RIN2: variants seen among roughly 807,000 people sequenced by gnomAD.
RIN2 encodes the protein RAB5 interacting protein 2.
A neutral mutation model predicts 78.0 loss-of-function variants in RIN2; 36 were observed. That is an observed-to-expected ratio of 0.46 (90% CI 0.35 to 0.61). The LOEUF (loss-of-function observed/expected upper bound fraction) is 0.61, where lower values mean the gene tolerates loss of function less well. RIN2 is among the 20% of genes least tolerant of loss of function. The probability of loss-of-function intolerance (pLI) is 0.00; values close to 1 mark genes in which losing one functional copy is unlikely to be tolerated. For missense variants in RIN2, 1,087 were observed against 1,159.7 expected (o/e 0.94, Z 0.91); for synonymous variants, 466 against 466.8 (o/e 1.00, Z 0.02).
At chr20:19,818,264 A>G (rs2035825595) in intron 2 of RIN2, among the ~76,000 whole-genome samples, 1 of 152,240 alleles carries the variant, frequency 6.6e-6, no homozygotes, top group Non-Finnish European at 1.5e-5. Flanking sequence ...ACCATTGTAT[A>G]TACAGTCCAT....
chr20:19,915,501 T>A (rs1952831125), intron 3 of RIN2, among the ~76,000 whole-genome samples: 1 of 152,120 alleles, frequency 6.6e-6, no homozygotes, highest in Admixed American at 6.5e-5. Context: ...AAGAAAACGG[T>A]GACTTCCAAG....
intron 3 of RIN2, among the ~76,000 whole-genome samples, chr20:19,904,226 C>T (rs968590681): frequency 6.5e-5 from 5 of 77,172 alleles, no homozygotes; most frequent in Non-Finnish European, 8.5e-5. Context: ...AATGAGACTT[C>T]GTCTCAAAAA....
At chr20:19,796,086 G>GA (rs144883717) in intron 1 of RIN2, among the ~76,000 whole-genome samples, 10,250 of 123,230 alleles carry the variant, frequency 0.083, 571 homozygotes, top group African/African-American at 0.29. Context: ...AAAGAGCAAA[G>GA]AAAAAAAAGA....
chr20:19,978,149 A>G (rs942876419), intron 9 of RIN2, among the ~76,000 whole-genome samples: 1 of 152,028 alleles, frequency 6.6e-6, no homozygotes, highest in African/African-American at 2.4e-5. Flanking sequence ...AAACTGGTCT[A>G]TGTCTGCTTT....
At chr20:19,940,606 G>T (rs1451392420) in intron 4 of RIN2, among the ~76,000 whole-genome samples, 1 of 152,178 alleles carries the variant, frequency 6.6e-6, no homozygotes, top group Non-Finnish European at 1.5e-5. Flanking sequence ...AGGGCTTCTT[G>T]CTCCTGGTTT....
chr20:19,826,859 T>C (rs2036103464), intron 2 of RIN2, among the ~76,000 whole-genome samples: 1 of 152,140 alleles, frequency 6.6e-6, no homozygotes, highest in South Asian at 2.1e-4. Context: ...TAAAAAGGTG[T>C]CATTATTTGT....
At chr20:19,805,404 A>T (rs184470382) in intron 2 of RIN2, among the ~76,000 whole-genome samples, 2 of 151,968 alleles carry the variant, frequency 1.3e-5, no homozygotes, top group African/African-American at 4.8e-5. Context: ...AGTTATAGGG[A>T]CCTTATTTTT....
intron 3 of RIN2, among the ~76,000 whole-genome samples, chr20:19,905,980 G>T (rs1253215998): frequency 2.0e-5 from 3 of 150,576 alleles, no homozygotes; most frequent in South Asian, 4.3e-4. Context: ...AGTGTAGGTA[G>T]CAGTATCTCT....
Position 19,956,804 on chromosome 20 carries a change from G to A in RIN2, c.348G>A (p.Pro116=), listed in dbSNP as rs370252541. The change falls in exon 5 of 13, where the codon CCG becomes CCA. Residue 116 remains proline (P), a synonymous_variant. Transcript: ENST00000255006. ...CAGAGGTCCTGCAGGCCCAGCCTCCGGGGGTAAGACTCAGAACCTCGGGAA... is the reference window on the plus strand; with the variant it reads ...CAGAGGTCCTGCAGGCCCAGCCTCCAGGGGTAAGACTCAGAACCTCGGGAA... ...EAAEVLQAQP[P]GIFLVHKSTK... 7.2e-5 allele frequency: 113 copies of A among 1,574,292 alleles called. No individual in the cohort carries two copies. In the African/African-American group the frequency reaches 1.1e-3, roughly 16 times the overall value.
At chr20:19,908,866 T>A (rs578026130) in intron 3 of RIN2, among the ~76,000 whole-genome samples, 1 of 152,260 alleles carries the variant, frequency 6.6e-6, no homozygotes, top group South Asian at 2.1e-4. Context: ...GTTGTTCAGT[T>A]TGTTTGTTTA....
chr20:19,784,053 A>C (rs2034594261), intron 1 of RIN2, among the ~76,000 whole-genome samples: 1 of 152,206 alleles, frequency 6.6e-6, no homozygotes, highest in Admixed American at 6.5e-5. Flanking sequence ...AGTGTGTCAG[A>C]GCAGGGCTGG....
In RIN2 at chr20:19,975,505, A is replaced by G. The variant is rs770768678; in HGVS notation, c.1480A>G (p.Lys494Glu). 1.2e-6 allele frequency: 2 copies of G among 1,614,042 alleles called. No homozygotes were observed. The highest frequency in any genetic ancestry group is 1.7e-6 in the Non-Finnish European group (2 of 1,179,884). The change falls in exon 9 of 13, where the codon AAG becomes GAG. Residue 494 changes from lysine (K) to glutamate (E), a missense_variant. This residue lies in a region of RIN2 where 706 missense variants were observed against 667.5 expected (regional missense o/e 1.06). Coordinates refer to ENST00000255006, the MANE Select transcript of RIN2 (RefSeq NM_018993.4). The surrounding 1 kb of genome is among the most constrained non-coding windows in gnomAD (Gnocchi z 4.9). Reference protein sequence around the residue: ...SSSFVLPKLVKSQLQKVSGVF... With the variant: ...SSSFVLPKLVESQLQKVSGVF... ...CTCCTTCGTGCTGCCCAAGCTCGTC[A>G]AGTCCCAGCTGCAGAAGGTGAGCGG...
intron 2 of RIN2, among the ~76,000 whole-genome samples, chr20:19,870,017 A>G (rs942721477): frequency 6.6e-6 from 1 of 151,954 alleles, no homozygotes; most frequent in Non-Finnish European, 1.5e-5. Flanking sequence ...CCTCTGTACT[A>G]TTTGCACAGG....
chr20:19,889,465 C>A, intron 2 of RIN2, 101 bp from the exon 3 acceptor site: 1 of 1,244,784 alleles, frequency 8.0e-7, no homozygotes, highest in Non-Finnish European at 1.1e-6. Flanking sequence ...GTGTTGTTGA[C>A]GGAAAAAGAT....
chr20:19,785,019 C>T (rs2122562059), intron 1 of RIN2, among the ~76,000 whole-genome samples: 1 of 152,262 alleles, frequency 6.6e-6, no homozygotes, highest in African/African-American at 2.4e-5. Flanking sequence ...CATGCTTCCC[C>T]TCTTCCAGAG....
At chr20:19,956,530 C>G (rs1175237019) in intron 4 of RIN2, 85 bp from the exon 5 acceptor site, 1 of 1,307,504 alleles carries the variant, frequency 7.6e-7, no homozygotes, top group Non-Finnish European at 1.1e-6. Context: ...GGTGGCAAGC[C>G]TGGCCTATGA....
chr20:19,968,063 G>T (rs1170024654), intron 7 of RIN2, among the ~76,000 whole-genome samples: 1 of 152,090 alleles, frequency 6.6e-6, no homozygotes, highest in Non-Finnish European at 1.5e-5. Flanking sequence ...GAGACCTTAG[G>T]GTCCAACACA....
chr20:19,968,953 CCAAGCAAAGGGGGTG>C lies in RIN2; in HGVS notation c.537-1883_537-1869del, dbSNP rs550520628. ...CTTCATCTCAAACAGACACAAGTGG[CCAAGCAAAGGGGGTG>C]CTCACAACATTTGAGGACAAGTGAA... On this transcript the variant is annotated intron_variant, in intron 7 of 12. Coordinates refer to ENST00000255006, the MANE Select transcript of RIN2 (RefSeq NM_018993.4). 6.6e-3 allele frequency among the ~76,000 whole-genome samples: 998 copies of C among 152,088 alleles called. 9 individuals carry two copies. Among genetic ancestry groups the C allele is most frequent in the African/African-American group, 0.023 (969 of 41,484 alleles).
At chr20:19,811,918 A>T (rs2035616069) in intron 2 of RIN2, among the ~76,000 whole-genome samples, 1 of 152,128 alleles carries the variant, frequency 6.6e-6, no homozygotes, top group South Asian at 2.1e-4. Context: ...GTACCAGTGT[A>T]GTGTTTTAGT....
Sources: gnomAD v4.1 joint callset for allele counts (sites outside exome capture counted in the v4.1 genomes callset) on GRCh38, gnomAD v4.1.1 for gene constraint, gnomAD v4.1.1 regional missense constraint, Gnocchi (gnomAD v3.1) non-coding constraint, MANE v1.5 for transcripts, NCBI Gene and HGNC (gene_info 2026-07-23, HGNC 2026-07-21) for gene names.